CCDC57: variants seen among roughly 807,000 people sequenced by gnomAD.
CCDC57 encodes coiled-coil domain containing 57.
Under a neutral mutation model 118.9 loss-of-function variants are expected in CCDC57, and 118 were observed. That is an observed-to-expected ratio of 0.99 (90% CI 0.86 to 1.16). CCDC57 has a LOEUF of 1.16. Among genes scored for constraint, CCDC57 ranks in the 50% most tolerant of loss-of-function variants. CCDC57 has a pLI of 0.00. For missense variants in CCDC57, 1,300 were observed against 1,320.7 expected (o/e 0.98, Z 0.24); for synonymous variants, 527 against 532.9 (o/e 0.99, Z 0.15).
chr17:82,147,746 AGATG>A lies in CCDC57; in HGVS notation c.2455+3810_2455+3813del, dbSNP rs577315423. 9.1e-3 allele frequency among the ~76,000 whole-genome samples: 755 copies of A among 83,160 alleles called. 50 individuals carry two copies. In the Admixed American group the frequency reaches 0.099, roughly 11 times the overall value. 54.6% of individuals were successfully genotyped at this position (83,160 alleles called of 152,430 possible). On this transcript the variant is annotated intron_variant, in intron 16 of 19. Transcript: ENST00000665763. ...GTGGATGGATGGGTGGGTGGATGGT[AGATG>A]GATGGATGGATGGGTTGGTGCGTAG...
intron 13 of CCDC57, among the ~76,000 whole-genome samples, chr17:82,167,722 C>T (rs564882505): frequency 2.9e-4 from 44 of 151,840 alleles, no homozygotes; most frequent in African/African-American, 1.0e-3. Context: ...CTCAAGTGAT[C>T]CACCCACCTC....
At chr17:82,144,817 G>A (rs1405439706) in intron 16 of CCDC57, among the ~76,000 whole-genome samples, 5 of 152,034 alleles carry the variant, frequency 3.3e-5, no homozygotes, top group Non-Finnish European at 5.9e-5. Context: ...AACAAAGCGA[G>A]ATCCCTAATT....
intron 2 of CCDC57, among the ~76,000 whole-genome samples, chr17:82,204,219 C>A (rs1333542050): frequency 1.3e-5 from 2 of 152,174 alleles, no homozygotes; most frequent in Non-Finnish European, 2.9e-5. Context: ...CCACCTCAGC[C>A]TGGCTCCTCC....
At chr17:82,167,598 G>A (rs538687223) in intron 13 of CCDC57, among the ~76,000 whole-genome samples, 41 of 151,988 alleles carry the variant, frequency 2.7e-4, no homozygotes, top group African/African-American at 8.4e-4. Context: ...TGATCCACCC[G>A]CCTCAGCTTC....
intron 9 of CCDC57, among the ~76,000 whole-genome samples, chr17:82,180,198 C>T (rs2046032605): frequency 1.3e-5 from 2 of 152,228 alleles, no homozygotes; most frequent in South Asian, 4.1e-4. Context: ...CAGAGTGACC[C>T]TGGCTGTCAG....
chr17:82,209,780 C>T (rs1304040112), intron 1 of CCDC57, among the ~76,000 whole-genome samples: 1 of 152,166 alleles, frequency 6.6e-6, no homozygotes, highest in Non-Finnish European at 1.5e-5. Context: ...AGCCACTGTA[C>T]CCAGCCAGTT....
intron 13 of CCDC57, among the ~76,000 whole-genome samples, chr17:82,166,346 C>CAAA (rs11077980): frequency 7.1e-5 from 9 of 126,430 alleles, no homozygotes; most frequent in African/African-American, 2.6e-4. Flanking sequence ...CCCATCTCTA[C>CAAA]AAAAAAAAAA....
chr17:82,201,631 G>T, exon 3 of CCDC57: 1 of 1,613,800 alleles, frequency 6.2e-7, no homozygotes. Flanking sequence ...TCTGGCTAGC[G>T]CCTGCCTCAG....
intron 19 of CCDC57, among the ~76,000 whole-genome samples, chr17:82,114,074 G>A (rs181975686): frequency 3.9e-5 from 6 of 152,354 alleles, no homozygotes; most frequent in African/African-American, 1.2e-4. Flanking sequence ...CCTGGGCCCT[G>A]AGGGGGTTCC....
intron 17 of CCDC57, among the ~76,000 whole-genome samples, chr17:82,133,377 G>C (rs1157022860): frequency 1.7e-5 from 2 of 119,776 alleles, no homozygotes; most frequent in East Asian, 4.7e-4. Flanking sequence ...CTGTCTCAAA[G>C]GACAAAAAAA....
intron 19 of CCDC57, among the ~76,000 whole-genome samples, chr17:82,110,918 G>A (rs2035194557): frequency 1.3e-5 from 2 of 151,186 alleles, no homozygotes; most frequent in African/African-American, 4.9e-5. Context: ...CCAGCTACTC[G>A]GGAGGCTGAG....
chr17:82,201,789 G>A (rs11653797), exon 3 of CCDC57: 333,532 of 1,613,730 alleles, frequency 0.21, 36,759 homozygotes, highest in Non-Finnish European at 0.23. Flanking sequence ...CCTCCTGCAG[G>A]CACCGCAGTT....
intron 9 of CCDC57, 150 bp from the exon 9 acceptor site, chr17:82,179,339 G>A: frequency 2.4e-6 from 2 of 836,754 alleles, no homozygotes; most frequent in Non-Finnish European, 3.6e-6. Context: ...AGCTCCTGTG[G>A]ATGGGCACAC....
intron 7 of CCDC57, among the ~76,000 whole-genome samples, chr17:82,189,958 C>T (rs62078345): frequency 0.17 from 25,443 of 151,698 alleles, 2,508 homozygotes; most frequent in Non-Finnish European, 0.23. Flanking sequence ...TGCAGTGAGC[C>T]GAGATTGCGC....
chr17:82,110,332 T>A (rs2035157295), intron 19 of CCDC57, among the ~76,000 whole-genome samples: 1 of 151,694 alleles, frequency 6.6e-6, no homozygotes, highest in African/African-American at 2.4e-5. Flanking sequence ...AAGAAAAAAA[T>A]AAATAAAAAG....
intron 18 of CCDC57, 34 bp from the exon 18 acceptor site, chr17:82,127,942 T>C: frequency 6.2e-7 from 1 of 1,606,536 alleles, no homozygotes; most frequent in East Asian, 2.2e-5. Context: ...AAAGCCACCC[T>C]CTCCAACCCA....
chr17:82,131,558 C>T (rs772354750), intron 17 of CCDC57, among the ~76,000 whole-genome samples: 15 of 152,080 alleles, frequency 9.9e-5, no homozygotes, highest in East Asian at 1.9e-4. Flanking sequence ...CTGAGTGACA[C>T]GGTGAAACCC....
chr17:82,189,872 T>C (rs1431810353), intron 7 of CCDC57, among the ~76,000 whole-genome samples: 1 of 152,126 alleles, frequency 6.6e-6, no homozygotes, highest in Non-Finnish European at 1.5e-5. Flanking sequence ...TAGCCGGGCA[T>C]GGTGGCATGC....
intron 3 of CCDC57, 139 bp downstream of exon 2, chr17:82,201,399 C>T: frequency 9.0e-7 from 1 of 1,105,430 alleles, no homozygotes; most frequent in African/African-American, 1.6e-5. Flanking sequence ...CTCAGACAGA[C>T]CAGCTCCCGT....
Sources: gnomAD v4.1 joint callset for allele counts (sites outside exome capture counted in the v4.1 genomes callset) on GRCh38, gnomAD v4.1.1 for gene constraint, MANE v1.5 for transcripts, NCBI Gene and HGNC (gene_info 2026-07-23, HGNC 2026-07-21) for gene names.